The following ZFAND6 variants were observed in gnomAD, a reference collection of about 807,000 sequenced individuals.
ZFAND6 encodes the protein AN1-type zinc finger protein 6.
Under a neutral mutation model 24.5 loss-of-function variants are expected in ZFAND6, and 12 were observed. That is an observed-to-expected ratio of 0.49 (90% CI 0.31 to 0.79). The LOEUF (loss-of-function observed/expected upper bound fraction) is 0.79. Among genes scored for constraint, ZFAND6 ranks in the 30% least tolerant of loss-of-function variants. The pLI is 0.04. For missense variants in ZFAND6, 207 were observed against 245.9 expected (o/e 0.84, Z 1.06); for synonymous variants, 92 against 81.5 (o/e 1.13, Z -0.69).
intron 2 of ZFAND6, among the ~76,000 whole-genome samples, chr15:80,109,299 G>T (rs77139907): frequency 0.021 from 3,211 of 152,206 alleles, 44 homozygotes; most frequent in Non-Finnish European, 0.032. Context: ...TGCCATTAGG[G>T]AGGTAACATT....
At chr15:80,104,521 ATCAG>A (rs34418209) in intron 2 of ZFAND6, among the ~76,000 whole-genome samples, 77,940 of 150,844 alleles carry the variant, frequency 0.52, 21,925 homozygotes, top group Non-Finnish European at 0.64. Context: ...CCTGTCTCAA[ATCAG>A]TCAGTCAGTC....
At chr15:80,097,477 G>A (rs1421088701) in intron 1 of ZFAND6, among the ~76,000 whole-genome samples, 2 of 151,966 alleles carry the variant, frequency 1.3e-5, no homozygotes, top group African/African-American at 2.4e-5. Flanking sequence ...GTGAAACTCT[G>A]TTTCTACAAA....
intron 6 of ZFAND6, 73 bp from the exon 7 acceptor site, chr15:80,137,407 T>C: frequency 6.6e-7 from 1 of 1,511,868 alleles, no homozygotes; most frequent in Non-Finnish European, 8.9e-7. Flanking sequence ...TATTGTGCTG[T>C]TCAGTATTAA....
At chr15:80,121,536 T>C (rs1321028258) in intron 3 of ZFAND6, among the ~76,000 whole-genome samples, 176 bp from the exon 4 acceptor site, 1 of 152,220 alleles carries the variant, frequency 6.6e-6, no homozygotes, top group African/African-American at 2.4e-5. Flanking sequence ...AAAATTAACA[T>C]ATTTTTCACT....
intron 1 of ZFAND6, among the ~76,000 whole-genome samples, chr15:80,086,371 A>G (rs2038007078): frequency 6.6e-6 from 1 of 152,210 alleles, no homozygotes; most frequent in Non-Finnish European, 1.5e-5. Flanking sequence ...TAATTTACAT[A>G]CCACAAAATT....
intron 1 of ZFAND6, chr15:80,060,218 C>G (rs951027695): frequency 6.6e-6 from 1 of 151,988 alleles, no homozygotes; most frequent in African/African-American, 2.4e-5. Context: ...CACTGGGGCG[C>G]GTCAGTTCCC....
intron 1 of ZFAND6, among the ~76,000 whole-genome samples, chr15:80,081,910 GATA>G (rs1046590418): frequency 1.3e-5 from 2 of 152,186 alleles, no homozygotes; most frequent in African/African-American, 4.8e-5. Flanking sequence ...GATAAGCCAA[GATA>G]ATAAGAAAAT....
chr15:80,085,794 A>C (rs1314523934), intron 1 of ZFAND6, among the ~76,000 whole-genome samples: 1 of 152,122 alleles, frequency 6.6e-6, no homozygotes, highest in Admixed American at 6.6e-5. Flanking sequence ...ATGTATAGTC[A>C]TGTGCCACAT....
At chr15:80,130,618 C>G (rs1392912620) in intron 5 of ZFAND6, 2 of 152,216 alleles carry the variant, frequency 1.3e-5, no homozygotes, top group Non-Finnish European at 2.9e-5. Context: ...TACATAAATG[C>G]ATCAACTTAT....
intron 1 of ZFAND6, among the ~76,000 whole-genome samples, chr15:80,064,522 T>C (rs1458473803): frequency 6.6e-6 from 1 of 152,202 alleles, no homozygotes; most frequent in African/African-American, 2.4e-5. Context: ...TTTTAAACTT[T>C]TTATATTTTT....
chr15:80,137,974 G>A lies in ZFAND6; in HGVS notation c.*346G>A, dbSNP rs1426996795. On this transcript the variant is annotated 3_prime_UTR_variant, in exon 7 of 7. Transcript: ENST00000261749. ...ATCTTGCAGTTTATTTTCTCATTGT[G>A]TATGTATATATCGCTTTTCTCTGCA... is the stretch of plus-strand genomic sequence containing the variant. 1.7e-5 allele frequency: 3 copies of A among 179,912 alleles called. No individual in the cohort carries two copies. The highest frequency in any genetic ancestry group is 3.5e-5 in the Non-Finnish European group (3 of 86,728). The allele number at this position is 179,912 out of a possible 1,614,324, so 11.1% of individuals were successfully genotyped here.
At chr15:80,065,232 C>T (rs1296089320) in intron 1 of ZFAND6, among the ~76,000 whole-genome samples, 1 of 151,116 alleles carries the variant, frequency 6.6e-6, no homozygotes, top group Non-Finnish European at 1.5e-5. Context: ...AATAACCTCC[C>T]TTATTTTTCC....
At chr15:80,126,842 G>A (rs1414573979) in intron 5 of ZFAND6, among the ~76,000 whole-genome samples, 1 of 152,188 alleles carries the variant, frequency 6.6e-6, no homozygotes, top group Non-Finnish European at 1.5e-5. Context: ...GCCAGGTGCA[G>A]TGACTTATGC....
At chr15:80,112,515 A>G (rs1287945521) in intron 2 of ZFAND6, among the ~76,000 whole-genome samples, 1 of 151,942 alleles carries the variant, frequency 6.6e-6, no homozygotes, top group Non-Finnish European at 1.5e-5. Flanking sequence ...CTCCTGCCTC[A>G]GTCTCCTGAG....
At chr15:80,078,480 C>G (rs2037425785) in intron 1 of ZFAND6, among the ~76,000 whole-genome samples, 1 of 152,172 alleles carries the variant, frequency 6.6e-6, no homozygotes, top group African/African-American at 2.4e-5. Context: ...TAGGTTAATT[C>G]TATGTCTTTG....
chr15:80,069,560 C>T (rs1000286422), intron 1 of ZFAND6, among the ~76,000 whole-genome samples: 3 of 152,140 alleles, frequency 2.0e-5, no homozygotes, highest in Non-Finnish European at 2.9e-5. Context: ...AGGAGAGATA[C>T]ACCAGGAATT....
At chr15:80,061,532 CT>C (rs2036333466) in intron 1 of ZFAND6, among the ~76,000 whole-genome samples, 1 of 152,142 alleles carries the variant, frequency 6.6e-6, no homozygotes, top group South Asian at 2.1e-4. Flanking sequence ...GTGTATGTCA[CT>C]TCCTTGACTT....
intron 1 of ZFAND6, among the ~76,000 whole-genome samples, chr15:80,074,246 A>G (rs1336492511): frequency 2.0e-5 from 3 of 151,896 alleles, no homozygotes; most frequent in Non-Finnish European, 4.4e-5. Flanking sequence ...GGGAAATTGG[A>G]AACACTTTTA....
Position 80,069,991 on chromosome 15 carries a change from G to A in ZFAND6, c.-181+10182G>A, listed in dbSNP as rs1014360144. 1.2e-4 allele frequency among the ~76,000 whole-genome samples: 19 copies of A among 152,200 alleles called. No individual in the cohort carries two copies. The South Asian group carries it at 2.1e-3, about 17-fold the overall frequency. ...CCCAGTTATGTTTTGCTAATGTCAG[G>A]GTGGTCTTTTTATCAACTACTACAA... On this transcript the variant is annotated intron_variant, in intron 1 of 6. Transcript: ENST00000261749.
Sources: allele counts gnomAD v4.1 joint callset (sites outside exome capture counted in the v4.1 genomes callset), GRCh38; gene constraint gnomAD v4.1.1; transcripts MANE v1.5; gene names NCBI Gene and HGNC (gene_info 2026-07-23, HGNC 2026-07-21).